The following MDFIC variants were observed in gnomAD, a reference collection of about 807,000 sequenced individuals.
MDFIC encodes MyoD family inhibitor domain containing.
Under a neutral mutation model 23.2 loss-of-function variants are expected in MDFIC, and 17 were observed. The observed-to-expected ratio is 0.73, with a 90% confidence interval of 0.50 to 1.10. The LOEUF is 1.10. MDFIC is among the 50% of genes least tolerant of loss of function. The pLI is 0.00. For synonymous variants in MDFIC, 120 were observed against 115.2 expected (o/e 1.04, Z -0.27); for missense variants, 356 against 316.6 (o/e 1.12, Z -0.95).
At chr7:114,967,710 G>A (rs867108666) in intron 3 of MDFIC, among the ~76,000 whole-genome samples, 2 of 151,866 alleles carry the variant, frequency 1.3e-5, no homozygotes, top group Admixed American at 6.6e-5. Context: ...TATTTAAGTC[G>A]GTTTGCAGCC....
intron 2 of MDFIC, among the ~76,000 whole-genome samples, chr7:114,937,258 T>C (rs1186629924): frequency 2.6e-5 from 4 of 152,164 alleles, no homozygotes; most frequent in Non-Finnish European, 5.9e-5. Flanking sequence ...AAATAAAGGG[T>C]ATTGATTCTG....
At chr7:115,006,088 G>T (rs966724204) in intron 4 of MDFIC, among the ~76,000 whole-genome samples, 1 of 152,094 alleles carries the variant, frequency 6.6e-6, no homozygotes, top group Non-Finnish European at 1.5e-5. Context: ...CTTCTCAGGC[G>T]AGGCTCCTCC....
At chr7:114,980,717 T>A (rs1024324671) in intron 4 of MDFIC, among the ~76,000 whole-genome samples, 2 of 152,224 alleles carry the variant, frequency 1.3e-5, no homozygotes, top group Non-Finnish European at 2.9e-5. Context: ...ATATTTCTCC[T>A]TATTCCCCTT....
intron 3 of MDFIC, among the ~76,000 whole-genome samples, chr7:114,954,867 C>T (rs188941527): frequency 1.1e-4 from 16 of 152,210 alleles, no homozygotes; most frequent in African/African-American, 3.9e-4. Flanking sequence ...TAGGATTTGA[C>T]AGGACATGTT....
intron 3 of MDFIC, among the ~76,000 whole-genome samples, chr7:114,960,427 A>G (rs1190820115): frequency 6.6e-6 from 1 of 152,204 alleles, no homozygotes. Flanking sequence ...TGATTATCCA[A>G]GAGTAAGTGG....
At chr7:114,962,891 A>G (rs984566300) in intron 3 of MDFIC, among the ~76,000 whole-genome samples, 4 of 152,234 alleles carry the variant, frequency 2.6e-5, no homozygotes, top group Non-Finnish European at 4.4e-5. Context: ...TATTCTTTCT[A>G]GCCTAAGAAC....
chr7:114,998,129 A>G lies in MDFIC; in HGVS notation c.494-17559A>G, dbSNP rs1284533027. 2.6e-5 allele frequency among the ~76,000 whole-genome samples: 4 copies of G among 152,214 alleles called. No individual in the cohort carries two copies. In the South Asian group the frequency reaches 8.3e-4, roughly 31 times the overall value. On this transcript the variant is annotated intron_variant, in intron 4 of 4. Coordinates refer to ENST00000393486, the MANE Select transcript of MDFIC (RefSeq NM_001166345.3). Reference sequence around the variant, plus strand: ...TAGACACTGCATAATACTACAATTCAGAGGAGGAAGTTTTGGGGAAAAATA... The same window carrying G: ...TAGACACTGCATAATACTACAATTCGGAGGAGGAAGTTTTGGGGAAAAATA...
Position 114,923,042 on chromosome 7 carries a change from C to A in MDFIC, c.9C>A (p.Gly3=). 7.3e-7 allele frequency: 1 copy of A among 1,365,300 alleles called. No individual in the cohort carries two copies. The highest frequency in any genetic ancestry group is 9.4e-7 in the Non-Finnish European group (1 of 1,061,526). 84.6% of individuals were successfully genotyped at this position (1,365,300 alleles called of 1,614,324 possible). The change falls in exon 2 of 5, where the codon GGC becomes GGA. Residue 3 remains glycine (G), a synonymous_variant. Coordinates refer to ENST00000393486, the MANE Select transcript of MDFIC (RefSeq NM_001166345.3). MS[G]AGEALAPGPV... The stretch of plus-strand genomic sequence containing the variant: ...GCTCGGCGGAGCGGCCCATGTCCGG[C>A]GCGGGCGAAGCCCTCGCTCCCGGGC...
intron 4 of MDFIC, among the ~76,000 whole-genome samples, chr7:115,012,755 G>A (rs896192415): frequency 1.3e-5 from 2 of 151,978 alleles, no homozygotes; most frequent in African/African-American, 4.8e-5. Flanking sequence ...AGGCAGGTGG[G>A]TCACCTGAGG....
intron 4 of MDFIC, chr7:115,014,507 C>G (rs1791753308): frequency 1.6e-6 from 2 of 1,289,464 alleles, no homozygotes; most frequent in African/African-American, 3.0e-5. Context: ...ATGCCAAATA[C>G]AGAAACACAA....
intron 3 of MDFIC, among the ~76,000 whole-genome samples, chr7:114,955,765 T>C (rs1044665434): frequency 6.6e-6 from 1 of 152,236 alleles, no homozygotes; most frequent in African/African-American, 2.4e-5. Flanking sequence ...CTTAAGGAGC[T>C]AATTTTCTCA....
intron 4 of MDFIC, among the ~76,000 whole-genome samples, chr7:115,004,586 C>T (rs1407807730): frequency 6.6e-6 from 1 of 152,208 alleles, no homozygotes; most frequent in East Asian, 1.9e-4. Flanking sequence ...ATTTTACATT[C>T]CTTGATCTTT....
chr7:114,965,140 G>C (rs1180152945), intron 3 of MDFIC, among the ~76,000 whole-genome samples: 1 of 152,158 alleles, frequency 6.6e-6, no homozygotes, highest in Admixed American at 6.5e-5. Context: ...AGAGTAAGAG[G>C]CAGTGAAGGG....
intron 2 of MDFIC, among the ~76,000 whole-genome samples, chr7:114,939,329 C>T (rs1792493818): frequency 6.6e-6 from 1 of 152,046 alleles, no homozygotes; most frequent in Non-Finnish European, 1.5e-5. Context: ...AACCCTGAGA[C>T]CAGCTTTTGA....
At chr7:114,954,735 T>A (rs1193131486) in intron 3 of MDFIC, among the ~76,000 whole-genome samples, 5 of 152,242 alleles carry the variant, frequency 3.3e-5, no homozygotes, top group African/African-American at 1.2e-4. Flanking sequence ...GCCTGATACC[T>A]TAAGCCATCT....
At chr7:114,956,813 T>C (rs969050264) in intron 3 of MDFIC, among the ~76,000 whole-genome samples, 7 of 152,136 alleles carry the variant, frequency 4.6e-5, no homozygotes, top group Admixed American at 2.0e-4. Flanking sequence ...AATATTGCCC[T>C]GAAACAAAGT....
intron 3 of MDFIC, among the ~76,000 whole-genome samples, chr7:114,971,892 T>C (rs927235906): frequency 6.6e-6 from 1 of 152,174 alleles, no homozygotes; most frequent in African/African-American, 2.4e-5. Context: ...GTTTGTATAT[T>C]AACTTGAAAA....
chr7:114,948,079 T>C (rs1792685262), intron 3 of MDFIC, among the ~76,000 whole-genome samples: 2 of 152,214 alleles, frequency 1.3e-5, no homozygotes, highest in South Asian at 4.1e-4. Context: ...CTGAATGGTT[T>C]ATGCTTAATA....
At chr7:114,974,369 G>C (rs1793266353) in intron 3 of MDFIC, among the ~76,000 whole-genome samples, 1 of 151,746 alleles carries the variant, frequency 6.6e-6, no homozygotes, top group Non-Finnish European at 1.5e-5. Context: ...GCAAAGTCCT[G>C]GGCACCAGTA....
Sources: allele counts gnomAD v4.1 joint callset (sites outside exome capture counted in the v4.1 genomes callset), GRCh38; gene constraint gnomAD v4.1.1; transcripts MANE v1.5; gene names NCBI Gene and HGNC (gene_info 2026-07-23, HGNC 2026-07-21).